The following TTLL1 variants were observed in gnomAD, a reference collection of about 807,000 sequenced individuals.
TTLL1 encodes TTL family tubulin polyglutamylase complex subunit L1, also known as polyglutamylase complex subunit TTLL1.
In TTLL1, 33 loss-of-function variants were observed where a neutral mutation model predicts 47.8. The ratio of observed to expected loss-of-function variants is 0.69; its 90% CI spans 0.52 to 0.92. The LOEUF (loss-of-function observed/expected upper bound fraction) is 0.92. Among genes scored for constraint, TTLL1 ranks in the 40% least tolerant of loss-of-function variants. The pLI is 0.00. For missense variants in TTLL1, 488 were observed against 547.5 expected (o/e 0.89, Z 1.08); for synonymous variants, 225 against 214.1 (o/e 1.05, Z -0.45).
At chr22:43,065,339 G>C (rs555755072) in intron 5 of TTLL1, among the ~76,000 whole-genome samples, 1 of 152,038 alleles carries the variant, frequency 6.6e-6, no homozygotes, top group African/African-American at 2.4e-5. Context: ...ACCCAGGCTG[G>C]AGTGCACTGG....
Position 43,069,783 on chromosome 22 carries a change from C to A in TTLL1, c.175G>T (p.Asp59Tyr). The change falls in exon 4 of 11, where the codon GAC (aspartate) becomes TAC (tyrosine). Residue 59 changes from aspartate (D) to tyrosine (Y), a missense_variant. By Grantham distance (160) the Asp-to-Tyr change is radical (BLOSUM62 -3). Coordinates refer to ENST00000266254, the MANE Select transcript of TTLL1 (RefSeq NM_012263.5). ...SVEAGYRLSD[D>Y]QIVNHFPNHY... The stretch of plus-strand genomic sequence containing the variant: ...TTTGGAAAATGGTTGACTATTTGGT[C>A]ATCTGAGAGCCGATATCCAGCTTCA... 1 of 1,614,196 alleles carries A rather than the reference C, an allele frequency of 6.2e-7. No homozygotes were observed. The highest frequency in any genetic ancestry group is 8.5e-7 in the Non-Finnish European group (1 of 1,180,036).
chr22:43,079,456 G>A (rs1027432908), intron 2 of TTLL1, among the ~76,000 whole-genome samples: 2 of 152,232 alleles, frequency 1.3e-5, no homozygotes, highest in Non-Finnish European at 2.9e-5. Flanking sequence ...CCACGCCAAT[G>A]GCTCAGGGAA....
rs749239183 is a variant in TTLL1, at chr22:43,046,393, G to GTC, written c.1142+15_1142+16dup. ...GGAAACACAGAAGGACAAGCGCACA[G>GTC]TCACACACACACTTACAGAATCTCG... On this transcript the variant is annotated intron_variant, in intron 10 of 10. Transcript: ENST00000266254. 7.4e-6 allele frequency: 12 copies of GTC among 1,613,732 alleles called. No homozygotes were observed. The highest frequency in any genetic ancestry group is 9.3e-6 in the Non-Finnish European group (11 of 1,179,802).
intron 7 of TTLL1, 54 bp from the exon 8 acceptor site, chr22:43,059,581 C>A (rs1257378567): frequency 6.4e-7 from 1 of 1,550,596 alleles, no homozygotes; most frequent in Non-Finnish European, 8.7e-7. Flanking sequence ...CCAGAGGAAC[C>A]CAGCGGAACC....
intron 9 of TTLL1, among the ~76,000 whole-genome samples, chr22:43,049,415 C>T (rs761649624): frequency 1.8e-4 from 27 of 152,076 alleles, no homozygotes; most frequent in East Asian, 1.9e-4. Flanking sequence ...CCCAGCTACT[C>T]GGGAGACTGA....
chr22:43,079,123 G>A (rs1178083717), intron 2 of TTLL1, among the ~76,000 whole-genome samples: 2 of 124,718 alleles, frequency 1.6e-5, no homozygotes, highest in African/African-American at 6.2e-5. Flanking sequence ...CCGCAGACAC[G>A]GGGACCATGG....
intron 5 of TTLL1, among the ~76,000 whole-genome samples, chr22:43,065,270 G>A (rs1347000941): frequency 1.3e-5 from 2 of 152,024 alleles, no homozygotes; most frequent in Non-Finnish European, 2.9e-5. Flanking sequence ...ATGGGCTGGT[G>A]TCAGTCTGCC....
At chr22:43,054,777 G>A (rs1385363523) in intron 8 of TTLL1, among the ~76,000 whole-genome samples, 2 of 147,392 alleles carry the variant, frequency 1.4e-5, no homozygotes, top group Non-Finnish European at 3.0e-5. Context: ...CCAGGCTGGA[G>A]TGCAGTGGCG....
Position 43,068,561 on chromosome 22 carries a change from C to A in TTLL1, c.352G>T (p.Ala118Ser), listed in dbSNP as rs373336576. The change falls in exon 5 of 11, where the codon GCT becomes TCT. Residue 118 changes from alanine to serine, a missense_variant. Physicochemically the swap from Ala to Ser is moderately conservative, Grantham distance 99. Transcript: ENST00000266254. The part of the protein sequence containing the change: ...DFVPVTYMLP[A>S]DYNLFVEEFR... ...TCCTCTACAAACAGGTTGTAGTCAGCGGGCAGCATATAGGTGACTGGAACA... is the reference window on the plus strand; with the variant it reads ...TCCTCTACAAACAGGTTGTAGTCAGAGGGCAGCATATAGGTGACTGGAACA... 5 of 1,542,598 alleles carry A rather than the reference C, an allele frequency of 3.2e-6. No homozygotes were observed. The Admixed American group carries it at 5.2e-5, about 16-fold the overall frequency.
intron 1 of TTLL1, among the ~76,000 whole-genome samples, chr22:43,088,386 G>A (rs1052577980): frequency 7.4e-6 from 1 of 135,466 alleles, no homozygotes; most frequent in Non-Finnish European, 1.5e-5. Context: ...GCCCAGGCTG[G>A]AGTGCAGTGG....
At chr22:43,072,915 T>C (rs1397170622) in intron 3 of TTLL1, among the ~76,000 whole-genome samples, 2 of 152,244 alleles carry the variant, frequency 1.3e-5, no homozygotes, top group African/African-American at 2.4e-5. Context: ...CCATCTTTAA[T>C]CTGCCACAAA....
chr22:43,072,644 G>A (rs1345460545), intron 3 of TTLL1, among the ~76,000 whole-genome samples: 1 of 151,922 alleles, frequency 6.6e-6, no homozygotes, highest in African/African-American at 2.4e-5. Context: ...GATAATTTTT[G>A]TATTTGTTTG....
chr22:43,083,097 C>A (rs1386767887), intron 1 of TTLL1, among the ~76,000 whole-genome samples: 2 of 151,626 alleles, frequency 1.3e-5, no homozygotes, highest in African/African-American at 4.8e-5. Context: ...CTGGGCGCAG[C>A]GGCTCACGCC....
intron 8 of TTLL1, among the ~76,000 whole-genome samples, chr22:43,056,024 C>T (rs72619541): frequency 0.081 from 12,251 of 151,854 alleles, 850 homozygotes; most frequent in East Asian, 0.41. Context: ...GGATTACAGG[C>T]GTGAGCCACC....
intron 1 of TTLL1, among the ~76,000 whole-genome samples, chr22:43,088,168 G>A (rs1288083154): frequency 6.6e-6 from 1 of 151,528 alleles, no homozygotes; most frequent in African/African-American, 2.4e-5. Context: ...AATAAATAAA[G>A]TAATAACAAT....
At chr22:43,087,699 G>A (rs113704939) in intron 1 of TTLL1, among the ~76,000 whole-genome samples, 69 of 150,314 alleles carry the variant, frequency 4.6e-4, no homozygotes, top group African/African-American at 1.6e-3. Flanking sequence ...TCAGCCGGGC[G>A]TGGTGGTGGG....
Position 43,070,074 on chromosome 22 carries a change from G to T in TTLL1, c.114-230C>A. The T allele has an allele frequency of 3.2e-6, 4 of 1,240,726 alleles. No homozygotes were observed. The South Asian group carries it at 4.1e-5, about 13-fold the overall frequency. The allele number at this position is 1,240,726 out of a possible 1,614,324, so 76.9% of individuals were successfully genotyped here. ...CCAGGAGCTGTGCTGATTCTGAGCTGTTTCCCTCTCTGGCCCGGAGCAGGC... is the reference window on the plus strand; with the variant it reads ...CCAGGAGCTGTGCTGATTCTGAGCTTTTTCCCTCTCTGGCCCGGAGCAGGC... On this transcript the variant is annotated intron_variant, in intron 3 of 10. Transcript: ENST00000266254.
chr22:43,072,472 CTT>C (rs1928196403), intron 3 of TTLL1, among the ~76,000 whole-genome samples: 1 of 151,088 alleles, frequency 6.6e-6, no homozygotes. Flanking sequence ...TATTTTCTCT[CTT>C]TCTTTCTTTC....
chr22:43,076,275 G>A lies in TTLL1; in HGVS notation c.-4-685C>T, dbSNP rs569937411. On this transcript the variant is annotated intron_variant, in intron 2 of 10. Coordinates refer to ENST00000266254, the MANE Select transcript of TTLL1 (RefSeq NM_012263.5). Reference sequence around the variant, plus strand: ...GTTCAAGACCAGCGTGGCCAATGTGGTGAAACCCCATCTCTACTAAAAATA... The same window carrying A: ...GTTCAAGACCAGCGTGGCCAATGTGATGAAACCCCATCTCTACTAAAAATA... Among the ~76,000 whole-genome samples, 353 of 152,156 alleles carry A rather than the reference G, an allele frequency of 2.3e-3. 3 individuals carry two copies. Among genetic ancestry groups the A allele is most frequent in the Non-Finnish European group, 3.1e-4 (21 of 68,020 alleles).
Sources: gnomAD v4.1 joint callset for allele counts (sites outside exome capture counted in the v4.1 genomes callset) on GRCh38, gnomAD v4.1.1 for gene constraint, MANE v1.5 for transcripts, NCBI Gene and HGNC (gene_info 2026-07-23, HGNC 2026-07-21) for gene names.